Variants in SGPL1 observed in about 807,000 individuals in gnomAD.
The protein encoded by SGPL1 is sphingosine-1-phosphate lyase 1.
SGPL1 carries 37 observed loss-of-function variants against 68.9 expected under a neutral mutation model. The observed-to-expected ratio is 0.54, with a 90% CI of 0.41 to 0.71. The LOEUF is 0.71. SGPL1 is among the 30% of genes least tolerant of loss of function. SGPL1 has a pLI of 0.00. For synonymous variants in SGPL1, 236 were observed against 248.5 expected (o/e 0.95, Z 0.47); for missense variants, 551 against 704.6 (o/e 0.78, Z 2.47).
At chr10:70,860,388 T>C (rs1564627831) in intron 7 of SGPL1, 3 of 467,460 alleles carry the variant, frequency 6.4e-6, no homozygotes, top group Non-Finnish European at 1.3e-5. Flanking sequence ...TTTTTTTTTT[T>C]CCAGGAAGCA....
intron 4 of SGPL1, among the ~76,000 whole-genome samples, chr10:70,853,161 C>T (rs2131900556): frequency 6.6e-6 from 1 of 152,324 alleles, no homozygotes; most frequent in Admixed American, 6.5e-5. Flanking sequence ...AAAATGTCTT[C>T]ACATCCATAG....
In SGPL1 at chr10:70,877,458, T is replaced by C; in HGVS notation, c.*123T>C. ...ATAGAGCACAACTCAAGATAGACCA[T>C]GAGACAGCTTGAGCCTCAGGATTCT... On this transcript the variant is annotated 3_prime_UTR_variant, in exon 15 of 15. Coordinates refer to ENST00000373202, the MANE Select transcript of SGPL1 (RefSeq NM_003901.4). 2 of 809,842 alleles carry C rather than the reference T, an allele frequency of 2.5e-6. No individual in the cohort carries two copies. The highest frequency in any genetic ancestry group is 3.9e-6 in the Non-Finnish European group (2 of 517,984). 50.2% of individuals were successfully genotyped at this position (809,842 alleles called of 1,614,324 possible).
chr10:70,867,553 C>A (rs1026354372), intron 7 of SGPL1, among the ~76,000 whole-genome samples: 8 of 147,314 alleles, frequency 5.4e-5, no homozygotes, highest in African/African-American at 2.1e-4. Flanking sequence ...CAGAGTGAGA[C>A]TCTGTCTCAA....
chr10:70,837,446 TA>T (rs1399810823), intron 2 of SGPL1, among the ~76,000 whole-genome samples: 3 of 152,230 alleles, frequency 2.0e-5, no homozygotes, highest in African/African-American at 7.2e-5. Context: ...CCTCTTTTTC[TA>T]AATTAGTTTT....
intron 11 of SGPL1, among the ~76,000 whole-genome samples, chr10:70,872,495 G>T (rs116338757): frequency 6.6e-6 from 1 of 152,194 alleles, no homozygotes. Flanking sequence ...AGATGGCCAC[G>T]CCTGCCACCC....
chr10:70,850,407 C>T (rs1845860957), intron 3 of SGPL1, among the ~76,000 whole-genome samples: 4 of 152,108 alleles, frequency 2.6e-5, no homozygotes, highest in Admixed American at 2.6e-4. Context: ...AAAAACAAAA[C>T]TAAAAACAGG....
At chr10:70,822,016 T>C (rs1589446134) in intron 2 of SGPL1, among the ~76,000 whole-genome samples, 1 of 152,232 alleles carries the variant, frequency 6.6e-6, no homozygotes, top group African/African-American at 2.4e-5. Flanking sequence ...GGTTCAAAAA[T>C]TGAATCTTTC....
At chr10:70,871,606 A>C (rs1312517664) in intron 10 of SGPL1, among the ~76,000 whole-genome samples, 2 of 151,884 alleles carry the variant, frequency 1.3e-5, no homozygotes, top group African/African-American at 4.9e-5. Flanking sequence ...GAGGTCATGC[A>C]TATTTAAATA....
intron 4 of SGPL1, among the ~76,000 whole-genome samples, chr10:70,852,412 A>G (rs16928023): frequency 0.059 from 9,014 of 152,238 alleles, 384 homozygotes; most frequent in African/African-American, 0.12. Flanking sequence ...ATTAATCCCT[A>G]AAAGTAAATC....
chr10:70,876,465 C>T (rs928366231), intron 13 of SGPL1, 76 bp from the exon 14 acceptor site: 23 of 1,350,920 alleles, frequency 1.7e-5, no homozygotes, highest in East Asian at 4.8e-5. Context: ...AGGAAATTCC[C>T]GTATTTGGGG....
chr10:70,832,436 C>CT (rs1470318235), intron 2 of SGPL1, among the ~76,000 whole-genome samples: 1 of 152,116 alleles, frequency 6.6e-6, no homozygotes, highest in Non-Finnish European at 1.5e-5. Context: ...TATGAAAAGT[C>CT]TAAGTGTCTT....
At chr10:70,826,553 T>C (rs1329682658) in intron 2 of SGPL1, among the ~76,000 whole-genome samples, 1 of 152,238 alleles carries the variant, frequency 6.6e-6, no homozygotes, top group Non-Finnish European at 1.5e-5. Flanking sequence ...AAAGCACATA[T>C]CTACATTTTA....
intron 3 of SGPL1, among the ~76,000 whole-genome samples, chr10:70,845,136 C>G (rs1589457629): frequency 6.6e-6 from 1 of 152,090 alleles, no homozygotes; most frequent in Non-Finnish European, 1.5e-5. Context: ...AACTAATACT[C>G]CTTACATTGA....
chr10:70,859,276 G>A lies in SGPL1; in HGVS notation c.487-95G>A, dbSNP rs112777083. On this transcript the variant is annotated intron_variant, in intron 6 of 14. Coordinates refer to ENST00000373202, the MANE Select transcript of SGPL1 (RefSeq NM_003901.4). The stretch of plus-strand genomic sequence containing the variant: ...ATCTTTTTTTCCAGTTTATATTGTT[G>A]TGCCTAATACTTAGAAACTGTTGTT... The A allele has an allele frequency of 0.059, 52,772 of 896,348 alleles. 1,718 individuals are homozygous for A. Among genetic ancestry groups the A allele is most frequent in the Non-Finnish European group, 0.064 (43,436 of 680,570 alleles). The allele number at this position is 896,348 out of a possible 1,614,324, so 55.5% of individuals were successfully genotyped here.
chr10:70,849,767 G>T (rs1845849848), intron 3 of SGPL1, among the ~76,000 whole-genome samples: 1 of 152,212 alleles, frequency 6.6e-6, no homozygotes. Context: ...TTCATATTCA[G>T]TTCACACCTT....
chr10:70,845,999 A>G (rs1465129145), intron 3 of SGPL1, among the ~76,000 whole-genome samples: 4 of 152,208 alleles, frequency 2.6e-5, no homozygotes, highest in Non-Finnish European at 5.9e-5. Context: ...TTACCCTGCA[A>G]ATAGCTTCTT....
Position 70,846,763 on chromosome 10 carries a change from C to T in SGPL1, c.193+2125C>T, listed in dbSNP as rs566432226. 5.9e-5 allele frequency among the ~76,000 whole-genome samples: 9 copies of T among 152,260 alleles called. No homozygotes were observed. In the East Asian group the frequency reaches 1.7e-3, roughly 29 times the overall value. ...TTAATTTTAGGTATTCTTTTTAAAA[C>T]AAATTTTAAAATTAATTGGCAAATA... On this transcript the variant is annotated intron_variant, in intron 3 of 14. Coordinates refer to ENST00000373202, the MANE Select transcript of SGPL1 (RefSeq NM_003901.4).
intron 2 of SGPL1, among the ~76,000 whole-genome samples, chr10:70,843,359 G>T (rs1222090451): frequency 6.6e-6 from 1 of 152,182 alleles, no homozygotes; most frequent in African/African-American, 2.4e-5. Flanking sequence ...CACTTCCCCA[G>T]CTTACTGCCT....
rs1237328218 is a variant in SGPL1 at position 70,879,861 on chromosome 10, T to C, written c.*2526T>C. The C allele has an allele frequency of 2.6e-5, 4 of 152,676 alleles. No homozygotes were observed. Among genetic ancestry groups the C allele is most frequent in the Admixed American group, 2.6e-4 (4 of 15,290 alleles). The allele number at this position is 152,676 out of a possible 1,614,324, so 9.5% of individuals were successfully genotyped here. On this transcript the variant is annotated 3_prime_UTR_variant, in exon 15 of 15. Coordinates refer to ENST00000373202, the MANE Select transcript of SGPL1 (RefSeq NM_003901.4). ...TGGGTAGAGACACTTAATAGTATCA[T>C]GTCGCATGCAGATGTCACATCGGCC... is the stretch of plus-strand genomic sequence containing the variant.
Sources: allele counts gnomAD v4.1 joint callset (sites outside exome capture counted in the v4.1 genomes callset), GRCh38; gene constraint gnomAD v4.1.1; transcripts MANE v1.5; gene names NCBI Gene and HGNC (gene_info 2026-07-23, HGNC 2026-07-21).